SLC9A9: variants seen among roughly 807,000 people sequenced by gnomAD.
SLC9A9 encodes solute carrier family 9 member A9.
A neutral mutation model predicts 77.8 loss-of-function variants in SLC9A9; 62 were observed. The observed-to-expected ratio is 0.80, with a 90% CI of 0.65 to 0.98. The LOEUF (loss-of-function observed/expected upper bound fraction) is 0.98, where lower values mean the gene tolerates loss of function less well. Ranked by LOEUF, SLC9A9 falls within the 50% of genes least tolerant of loss-of-function variation. The probability of loss-of-function intolerance (pLI) is 0.00; values close to 1 mark genes in which losing one functional copy is unlikely to be tolerated. For missense variants in SLC9A9, 775 were observed against 774.9 expected (o/e 1.00, Z 0.00); for synonymous variants, 320 against 283.5 (o/e 1.13, Z -1.29).
intron 6 of SLC9A9, among the ~76,000 whole-genome samples, chr3:143,626,008 G>T (rs1349440201): frequency 1.3e-5 from 2 of 152,024 alleles, no homozygotes; most frequent in African/African-American, 2.4e-5. Flanking sequence ...AAAAGACACA[G>T]GAAAAAATGC....
chr3:143,281,358 A>C (rs1489502366), intron 14 of SLC9A9, among the ~76,000 whole-genome samples: 1 of 152,066 alleles, frequency 6.6e-6, no homozygotes, highest in Non-Finnish European at 1.5e-5. Context: ...ATTCTAATAC[A>C]GTATTCTATT....
chr3:143,454,888 T>C (rs1303566307), intron 12 of SLC9A9, among the ~76,000 whole-genome samples: 1 of 152,234 alleles, frequency 6.6e-6, no homozygotes, highest in Non-Finnish European at 1.5e-5. Context: ...CTTTAAGCCA[T>C]GATGGCGCAT....
At position 143,427,793 on chromosome 3, in the gene SLC9A9, G is replaced by A. The variant is rs561578862; in HGVS notation, c.1469+39244C>T. Among the ~76,000 whole-genome samples the A allele has an allele frequency of 1.8e-4, 28 of 152,246 alleles. No individual in the cohort carries two copies. The South Asian group carries it at 4.4e-3, about 24-fold the overall frequency. On this transcript the variant is annotated intron_variant, in intron 12 of 15. Coordinates refer to ENST00000316549, the MANE Select transcript of SLC9A9 (RefSeq NM_173653.4). ...GATATTTTTCTCAGTCATGTCTCCT[G>A]GGGTTGCTTCCCTCAGGGTCTCTTA...
In SLC9A9 at chr3:143,448,926, TA is replaced by T. The variant is rs2034900279; in HGVS notation, c.1469+18110del. Reference sequence around the variant, plus strand: ...ATAATATGATATATATTATATATTATAATATATAATATGATATATAATATAT... The same window carrying T: ...ATAATATGATATATATTATATATTATATATATAATATGATATATAATATAT... On this transcript the variant is annotated intron_variant, in intron 12 of 15. Transcript: ENST00000316549. 5.2e-4 allele frequency among the ~76,000 whole-genome samples: 4 copies of T among 7,676 alleles called. 2 individuals carry two copies. The highest frequency in any genetic ancestry group is 6.6e-3 in the Admixed American group (2 of 302). The allele number at this position is 7,676 out of a possible 152,430, so 5.0% of individuals were successfully genotyped here.
chr3:143,621,387 C>T (rs2038210312), intron 6 of SLC9A9, among the ~76,000 whole-genome samples: 1 of 152,198 alleles, frequency 6.6e-6, no homozygotes, highest in South Asian at 2.1e-4. Context: ...ACTGACACCT[C>T]ACATGGCTGG....
intron 6 of SLC9A9, among the ~76,000 whole-genome samples, chr3:143,629,740 T>C (rs1178402787): frequency 6.6e-6 from 1 of 152,080 alleles, no homozygotes; most frequent in African/African-American, 2.4e-5. Context: ...GTGGGATGTT[T>C]TAGGTGGCAC....
intron 6 of SLC9A9, among the ~76,000 whole-genome samples, chr3:143,608,808 G>A (rs2037970581): frequency 6.6e-6 from 1 of 152,136 alleles, no homozygotes; most frequent in Non-Finnish European, 1.5e-5. Flanking sequence ...AGGGTGTTAG[G>A]GGAAGGGAAA....
At chr3:143,300,734 G>A (rs772199059) in intron 14 of SLC9A9, among the ~76,000 whole-genome samples, 3 of 152,196 alleles carry the variant, frequency 2.0e-5, no homozygotes, top group Non-Finnish European at 4.4e-5. Context: ...ACAGGGTGAG[G>A]CCTGAGCATC....
At chr3:143,683,054 A>G (rs1000814359) in intron 5 of SLC9A9, among the ~76,000 whole-genome samples, 1 of 152,068 alleles carries the variant, frequency 6.6e-6, no homozygotes, top group African/African-American at 2.4e-5. Context: ...ATTTACTATT[A>G]ATGTTTTAGG....
rs938139523 is a variant in SLC9A9, at chr3:143,265,944, G to A, written c.*758C>T. The A allele has an allele frequency of 1.1e-5, 7 of 652,908 alleles. No individual in the cohort carries two copies. The African/African-American group carries it at 1.3e-4, about 12-fold the overall frequency. The allele number at this position is 652,908 out of a possible 1,614,324, so 40.4% of individuals were successfully genotyped here. On this transcript the variant is annotated 3_prime_UTR_variant, in exon 16 of 16. Transcript: ENST00000316549. ...GTGACTCACATGCAGGCAAGGACGG[G>A]AAGGCTTGTTCTTCAGGCACAACGT...
chr3:143,587,616 C>T (rs952516917), intron 6 of SLC9A9, among the ~76,000 whole-genome samples: 7 of 138,836 alleles, frequency 5.0e-5, no homozygotes, highest in Admixed American at 2.1e-4. Flanking sequence ...TAGAGCCTTT[C>T]GGGACATTGT....
chr3:143,308,240 T>C (rs1319918052), intron 14 of SLC9A9, among the ~76,000 whole-genome samples: 1 of 152,152 alleles, frequency 6.6e-6, no homozygotes. Context: ...ACATAATTTA[T>C]AGGGGTCAGT....
intron 9 of SLC9A9, among the ~76,000 whole-genome samples, chr3:143,547,121 T>G (rs2036803820): frequency 6.6e-6 from 1 of 152,222 alleles, no homozygotes; most frequent in Non-Finnish European, 1.5e-5. Flanking sequence ...CCCTAATGTT[T>G]ATTACCTTTC....
intron 1 of SLC9A9, 53 bp downstream of exon 1, chr3:143,848,095 T>C: frequency 6.6e-7 from 1 of 1,521,984 alleles, no homozygotes; most frequent in Non-Finnish European, 9.1e-7. Context: ...CACAAGTCTC[T>C]AATTACGCTC....
intron 4 of SLC9A9, among the ~76,000 whole-genome samples, chr3:143,718,120 C>T (rs927211825): frequency 2.0e-5 from 3 of 151,842 alleles, no homozygotes; most frequent in Admixed American, 6.6e-5. Context: ...TGCATCCCAC[C>T]TAAGCCATTT....
intron 12 of SLC9A9, among the ~76,000 whole-genome samples, chr3:143,456,175 C>A (rs533214940): frequency 6.6e-6 from 1 of 151,822 alleles, no homozygotes; most frequent in African/African-American, 2.4e-5. Context: ...TCATGTTTTT[C>A]TTTTATCTGC....
At chr3:143,640,484 G>A (rs1246970760) in intron 6 of SLC9A9, among the ~76,000 whole-genome samples, 1 of 152,152 alleles carries the variant, frequency 6.6e-6, no homozygotes, top group Non-Finnish European at 1.5e-5. Context: ...TTTCAAACAA[G>A]GGGATAAAAT....
intron 11 of SLC9A9, among the ~76,000 whole-genome samples, chr3:143,477,649 T>C (rs2035502419): frequency 6.6e-6 from 1 of 152,142 alleles, no homozygotes; most frequent in African/African-American, 2.4e-5. Context: ...CAGAAAGCAA[T>C]GGCTACTGTG....
intron 1 of SLC9A9, among the ~76,000 whole-genome samples, chr3:143,841,702 C>G (rs1399532528): frequency 6.6e-6 from 1 of 152,038 alleles, no homozygotes; most frequent in Non-Finnish European, 1.5e-5. Flanking sequence ...CTTTGAGATT[C>G]AGAATATAGT....
Sources: allele counts gnomAD v4.1 joint callset (sites outside exome capture counted in the v4.1 genomes callset), GRCh38; gene constraint gnomAD v4.1.1; transcripts MANE v1.5; gene names NCBI Gene and HGNC (gene_info 2026-07-23, HGNC 2026-07-21).